Variants in EEF2K observed in about 807,000 individuals in gnomAD.
EEF2K encodes alternative protein EEF2K.
Under a neutral mutation model 93.8 loss-of-function variants are expected in EEF2K, and 70 were observed. The ratio of observed to expected loss-of-function variants is 0.75; its 90% confidence interval spans 0.62 to 0.91. EEF2K has a LOEUF of 0.91. Among genes scored for constraint, EEF2K ranks in the 40% least tolerant of loss-of-function variants. EEF2K has a pLI of 0.00. For missense variants in EEF2K, 935 were observed against 972.9 expected (o/e 0.96, Z 0.52); for synonymous variants, 376 against 380.8 (o/e 0.99, Z 0.15).
chr16:22,278,661 C>T (rs62044792), intron 16 of EEF2K, among the ~76,000 whole-genome samples: 111 of 152,272 alleles, frequency 7.3e-4, no homozygotes, highest in Middle Eastern at 3.4e-3. Context: ...GAATGTTTCA[C>T]GAGACCCACA....
chr16:22,221,672 A>C lies in EEF2K; in HGVS notation c.-76-3982A>C, dbSNP rs148066771. Among the ~76,000 whole-genome samples, 31 of 152,302 alleles carry C rather than the reference A, an allele frequency of 2.0e-4. 1 individual carries two copies. Among genetic ancestry groups the C allele is most frequent in the African/African-American group, 6.0e-4 (25 of 41,558 alleles). On this transcript the variant is annotated intron_variant, in intron 1 of 17. Coordinates refer to ENST00000263026, the MANE Select transcript of EEF2K (RefSeq NM_013302.5). The stretch of plus-strand genomic sequence containing the variant: ...CAGCACTGTCAAAAAAATTGGAATT[A>C]TTGGTTTGATGTAAAAAAATTTTTA...
intron 1 of EEF2K, among the ~76,000 whole-genome samples, chr16:22,209,885 T>C (rs2046898691): frequency 1.3e-5 from 2 of 152,156 alleles, no homozygotes; most frequent in African/African-American, 4.8e-5. Context: ...CTGGAACTCC[T>C]CGGCTCAAGT....
chr16:22,268,518 G>A (rs1337351925), intron 15 of EEF2K, among the ~76,000 whole-genome samples: 2 of 152,138 alleles, frequency 1.3e-5, no homozygotes, highest in Non-Finnish European at 2.9e-5. Flanking sequence ...CCAAGTTGGA[G>A]TGCAGTGGCA....
At chr16:22,233,898 T>A (rs1221898863) in intron 2 of EEF2K, among the ~76,000 whole-genome samples, 1 of 152,154 alleles carries the variant, frequency 6.6e-6, no homozygotes, top group Non-Finnish European at 1.5e-5. Context: ...ACCACAGGCA[T>A]GCACCACCAT....
At position 22,273,715 on chromosome 16, in the gene EEF2K, A is replaced by T; in HGVS notation, c.1854A>T (p.Arg618=). 6.2e-7 allele frequency: 1 copy of T among 1,614,036 alleles called. No homozygotes were observed. Among genetic ancestry groups the T allele is most frequent in the East Asian group, 2.2e-5 (1 of 44,880 alleles). The change falls in exon 16 of 18, where the codon CGA becomes CGT. Residue 618 remains arginine, a synonymous_variant. Coordinates refer to ENST00000263026, the MANE Select transcript of EEF2K (RefSeq NM_013302.5). ...GDRQSMILVA[R]AFDSGQNLSP... ...GGCAGTCCATGATCCTAGTGGCGCG[A>T]GCTTTTGACTCTGGCCAGAACCTCA...
intron 1 of EEF2K, among the ~76,000 whole-genome samples, chr16:22,222,055 G>A (rs2047018082): frequency 6.6e-6 from 1 of 152,088 alleles, no homozygotes; most frequent in African/African-American, 2.4e-5. Context: ...GGGCAACAGA[G>A]CAAGACTCTA....
chr16:22,277,032 T>A lies in EEF2K; in HGVS notation c.1890-3166T>A, dbSNP rs114342695. On this transcript the variant is annotated intron_variant, in intron 16 of 17. Transcript: ENST00000263026. ...GTGAGCCAAGATCACATCATTCCAC[T>A]CCAGCCTGGGCAACAAGCATGAAAT... is the stretch of plus-strand genomic sequence containing the variant. Among the ~76,000 whole-genome samples, 828 of 152,092 alleles carry A rather than the reference T, an allele frequency of 5.4e-3. 9 individuals are homozygous for A. Among genetic ancestry groups the A allele is most frequent in the African/African-American group, 0.019 (796 of 41,440 alleles).
Position 22,288,717 on chromosome 16 carries a change from A to T in EEF2K, c.*4721A>T, listed in dbSNP as rs565431610. ...TAAGTTCCATTTTCTCTTTACAAAT[A>T]AAGTGTTTTCTTTCTTTTCTGTCTC... is the stretch of plus-strand genomic sequence containing the variant. On this transcript the variant is annotated 3_prime_UTR_variant, in exon 18 of 18. Coordinates refer to ENST00000263026, the MANE Select transcript of EEF2K (RefSeq NM_013302.5). 6.6e-6 allele frequency: 1 copy of T among 152,192 alleles called. No individual in the cohort carries two copies. The highest frequency in any genetic ancestry group is 2.4e-5 in the African/African-American group (1 of 41,528). The allele number at this position is 152,192 out of a possible 1,614,324, so 9.4% of individuals were successfully genotyped here.
chr16:22,258,660 C>T lies in EEF2K; in HGVS notation c.1196C>T (p.Ser399Leu), dbSNP rs201712494. The change falls in exon 10 of 18, where the codon TCG becomes TTG. Residue 399 changes from serine (S) to leucine (L), a missense_variant. Ser to Leu is a moderately radical substitution (Grantham distance 145). Coordinates refer to ENST00000263026, the MANE Select transcript of EEF2K (RefSeq NM_013302.5). ...TFDSLPSSPS[S>L]ATPHSQKLDH... is the part of the protein sequence containing the mutation. The stretch of plus-strand genomic sequence containing the variant: ...GACTCTCTCCCTTCTTCCCCATCTT[C>T]GGCCACACCACACAGCCAGAAGCTA... 7.1e-5 allele frequency: 114 copies of T among 1,614,184 alleles called. 1 individual carries two copies. The highest frequency in any genetic ancestry group is 4.2e-4 in the East Asian group (19 of 44,882).
intron 2 of EEF2K, among the ~76,000 whole-genome samples, chr16:22,235,215 A>C (rs2047156582): frequency 6.7e-6 from 1 of 149,746 alleles, no homozygotes; most frequent in Non-Finnish European, 1.5e-5. Context: ...CTGTGTCTCA[A>C]AAAAAAAAAA....
chr16:22,261,217 A>G (rs1204239739), intron 11 of EEF2K, among the ~76,000 whole-genome samples: 1 of 151,916 alleles, frequency 6.6e-6, no homozygotes, highest in Non-Finnish European at 1.5e-5. Flanking sequence ...CTACAAAAAA[A>G]TACAAAAGTT....
At chr16:22,257,035 G>A in intron 7 of EEF2K, 138 bp downstream of exon 7, 1 of 1,434,612 alleles carries the variant, frequency 7.0e-7, no homozygotes, top group Non-Finnish European at 9.3e-7. Context: ...GCATTCAGAA[G>A]GAGACCCGTC....
intron 1 of EEF2K, among the ~76,000 whole-genome samples, chr16:22,221,397 C>A (rs1201548242): frequency 6.6e-6 from 1 of 151,952 alleles, no homozygotes; most frequent in East Asian, 1.9e-4. Context: ...TCACCTGAAC[C>A]CAGCTGTTGG....
intron 2 of EEF2K, among the ~76,000 whole-genome samples, chr16:22,232,810 G>A (rs1034931692): frequency 6.6e-6 from 1 of 152,076 alleles, no homozygotes; most frequent in African/African-American, 2.4e-5. Flanking sequence ...TGTTGCCAGG[G>A]GTGGCTTCAG....
At chr16:22,233,450 A>AG (rs1465244348) in intron 2 of EEF2K, among the ~76,000 whole-genome samples, 1 of 151,924 alleles carries the variant, frequency 6.6e-6, no homozygotes, top group Non-Finnish European at 1.5e-5. Context: ...CGGCCGAGGC[A>AG]GGTAGATCAC....
At chr16:22,253,476 TC>T (rs1567278039) in intron 6 of EEF2K, among the ~76,000 whole-genome samples, 2 of 152,044 alleles carry the variant, frequency 1.3e-5, no homozygotes, top group Non-Finnish European at 2.9e-5. Flanking sequence ...ACAAGCTTGT[TC>T]CTGCCCCAAA....
intron 10 of EEF2K, among the ~76,000 whole-genome samples, chr16:22,259,073 G>A (rs2047437818): frequency 2.0e-5 from 3 of 152,108 alleles, no homozygotes; most frequent in African/African-American, 7.2e-5. Flanking sequence ...ATGTTAAAAG[G>A]TTCACCTGTC....
intron 1 of EEF2K, among the ~76,000 whole-genome samples, chr16:22,207,330 G>A (rs2046873334): frequency 6.6e-6 from 1 of 152,184 alleles, no homozygotes; most frequent in Non-Finnish European, 1.5e-5. Context: ...GCATGGGGAA[G>A]TGAGATCTGC....
intron 2 of EEF2K, among the ~76,000 whole-genome samples, chr16:22,243,782 G>GTAT (rs1364515719): frequency 6.6e-6 from 1 of 151,114 alleles, no homozygotes; most frequent in African/African-American, 2.4e-5. Flanking sequence ...AATTAGCCAG[G>GTAT]TATAGTGGTG....
Sources: gnomAD v4.1 joint callset for allele counts (sites outside exome capture counted in the v4.1 genomes callset) on GRCh38, gnomAD v4.1.1 for gene constraint, MANE v1.5 for transcripts, NCBI Gene and HGNC (gene_info 2026-07-23, HGNC 2026-07-21) for gene names.